The following ATP6V1A variants were observed in gnomAD, a reference collection of about 807,000 sequenced individuals.
ATP6V1A encodes the protein V-type proton ATPase catalytic subunit A.
Under a neutral mutation model 70.1 loss-of-function variants are expected in ATP6V1A, and 18 were observed. That is an observed-to-expected ratio of 0.26 (90% CI 0.18 to 0.38). ATP6V1A has a LOEUF of 0.38. Ranked by LOEUF, ATP6V1A falls within the 10% of genes least tolerant of loss-of-function variation. The pLI, the probability that ATP6V1A is intolerant of heterozygous loss-of-function variation, is 1.00. For missense variants in ATP6V1A, 424 were observed against 772.4 expected (o/e 0.55, Z 5.35); for synonymous variants, 232 against 253.8 (o/e 0.91, Z 0.82).
chr3:113,790,510 G>C (rs915578655), intron 8 of ATP6V1A, among the ~76,000 whole-genome samples: 3 of 151,728 alleles, frequency 2.0e-5, no homozygotes, highest in African/African-American at 7.3e-5. Flanking sequence ...AATATATTTT[G>C]TCTGGGGATA....
At chr3:113,784,075 C>T in intron 3 of ATP6V1A, 149 bp from the exon 4 acceptor site, 1 of 697,232 alleles carries the variant, frequency 1.4e-6, no homozygotes. Context: ...AAAGAAGTTA[C>T]TGAAAACACT....
Position 113,789,626 on chromosome 3 carries a change from A to G in ATP6V1A, c.880-106A>G, listed in dbSNP as rs550815860. 1.7e-5 allele frequency: 12 copies of G among 708,184 alleles called. No individual in the cohort carries two copies. In the East Asian group the frequency reaches 3.2e-4, roughly 19 times the overall value. 43.9% of individuals were successfully genotyped at this position (708,184 alleles called of 1,614,324 possible). A position where few individuals can be genotyped will look rare whatever the true frequency, so the allele number is the denominator to read the frequency against. On this transcript the variant is annotated intron_variant, in intron 7 of 14. Transcript: ENST00000273398. ...TATTACTTTAGGAACACTGATTGTA[A>G]GAGGCATTAAATATGGGCAAAAGTT... is the stretch of plus-strand genomic sequence containing the variant.
At position 113,765,786 on chromosome 3, in the gene ATP6V1A, G is replaced by T. The variant is rs567391658; in HGVS notation, c.-13-12955G>T. ...ACAAAAAAAAAAAAAAGGTAGACAG[G>T]TGTGGTAGCACGTACCTGTAATCCC... On this transcript the variant is annotated intron_variant, in intron 1 of 14. Transcript: ENST00000273398. Among the ~76,000 whole-genome samples, 3 of 151,726 alleles carry T rather than the reference G, an allele frequency of 2.0e-5. 1 individual carries two copies. The South Asian group carries it at 6.3e-4, about 32-fold the overall frequency.
At chr3:113,795,973 C>G (rs1393811490) in intron 11 of ATP6V1A, 34 bp downstream of exon 11, 1 of 1,534,146 alleles carries the variant, frequency 6.5e-7, no homozygotes, top group East Asian at 2.3e-5. Context: ...AACTTCTGAG[C>G]CTTTCCTCCT....
At chr3:113,803,397 A>G in intron 12 of ATP6V1A, 186 bp from the exon 13 acceptor site, 3 of 564,064 alleles carry the variant, frequency 5.3e-6, no homozygotes. Flanking sequence ...CAAAGATGGT[A>G]AATTTTATGT....
chr3:113,800,744 A>G (rs917293975), intron 12 of ATP6V1A, among the ~76,000 whole-genome samples: 21 of 152,134 alleles, frequency 1.4e-4, no homozygotes, highest in African/African-American at 4.1e-4. Context: ...TTAGCCTTAA[A>G]ACAAAAAAAA....
At chr3:113,791,088 G>A (rs1315222649) in intron 8 of ATP6V1A, among the ~76,000 whole-genome samples, 3 of 151,890 alleles carry the variant, frequency 2.0e-5, no homozygotes, top group African/African-American at 7.3e-5. Context: ...TATGAAATAT[G>A]TCTTTTATTT....
chr3:113,793,758 T>C (rs1709123630), intron 8 of ATP6V1A, among the ~76,000 whole-genome samples: 1 of 152,176 alleles, frequency 6.6e-6, no homozygotes, highest in Non-Finnish European at 1.5e-5. Context: ...AGATGCAATA[T>C]GATAAATAGG....
At chr3:113,781,490 C>G (rs1708977883) in intron 3 of ATP6V1A, among the ~76,000 whole-genome samples, 1 of 152,026 alleles carries the variant, frequency 6.6e-6, no homozygotes, top group Non-Finnish European at 1.5e-5. Flanking sequence ...TGCACTCCAG[C>G]CTGGGCAACA....
At chr3:113,757,135 T>TA (rs1708654385) in intron 1 of ATP6V1A, among the ~76,000 whole-genome samples, 1 of 152,172 alleles carries the variant, frequency 6.6e-6, no homozygotes, top group African/African-American at 2.4e-5. Flanking sequence ...AATAGACACT[T>TA]AAAATACAGA....
intron 14 of ATP6V1A, 149 bp from the exon 15 acceptor site, chr3:113,809,186 T>C (rs975757815): frequency 6.4e-6 from 3 of 468,054 alleles, no homozygotes; most frequent in Non-Finnish European, 7.8e-6. Flanking sequence ...AGCCAGGAGG[T>C]GGAGGTTGCA....
intron 13 of ATP6V1A, among the ~76,000 whole-genome samples, 190 bp from the exon 14 acceptor site, chr3:113,805,164 C>T (rs749921269): frequency 1.3e-5 from 2 of 152,206 alleles, no homozygotes; most frequent in Non-Finnish European, 2.9e-5. Flanking sequence ...TGAGACATCT[C>T]TGTCCAAAAA....
intron 1 of ATP6V1A, among the ~76,000 whole-genome samples, chr3:113,761,432 G>T (rs1708703964): frequency 6.6e-6 from 1 of 151,114 alleles, no homozygotes; most frequent in African/African-American, 2.4e-5. Context: ...TATGGTAATT[G>T]TAAAGTTTTA....
Position 113,784,432 on chromosome 3 carries a change from C to T in ATP6V1A, c.420C>T (p.Asn140=), listed in dbSNP as rs770165450. Residue 140 remains asparagine, a synonymous_variant, in exon 4 of 15, where the codon AAC becomes AAT. Transcript: ENST00000273398. ...DIKWDFTPCK[N]LRVGSHITGG... is the part of the protein sequence containing the mutation. ...AATGGGACTTTACACCTTGCAAAAA[C>T]CTACGGGTATGTCTGTGTAACCAAG... The T allele has an allele frequency of 5.0e-6, 8 of 1,609,094 alleles. No individual in the cohort carries two copies. Among genetic ancestry groups the T allele is most frequent in the Non-Finnish European group, 6.8e-6 (8 of 1,175,708 alleles).
chr3:113,757,118 G>A (rs1318643150), intron 1 of ATP6V1A, among the ~76,000 whole-genome samples: 1 of 152,164 alleles, frequency 6.6e-6, no homozygotes, highest in African/African-American at 2.4e-5. Context: ...TCTTCAATGT[G>A]ATCCAAAATA....
intron 1 of ATP6V1A, among the ~76,000 whole-genome samples, chr3:113,776,279 G>T (rs778511046): frequency 2.6e-5 from 4 of 151,964 alleles, no homozygotes; most frequent in Non-Finnish European, 5.9e-5. Context: ...GGCGGCTGAG[G>T]TGATCACTTG....
intron 3 of ATP6V1A, 91 bp from the exon 4 acceptor site, chr3:113,784,133 T>C (rs754781460): frequency 3.5e-5 from 44 of 1,252,552 alleles, no homozygotes; most frequent in Non-Finnish European, 4.9e-5. Flanking sequence ...TTTTCACTTC[T>C]TGAGTGGCAT....
intron 8 of ATP6V1A, among the ~76,000 whole-genome samples, chr3:113,792,774 A>G (rs1470330872): frequency 6.6e-6 from 1 of 152,230 alleles, no homozygotes; most frequent in African/African-American, 2.4e-5. Flanking sequence ...ATCTTCACCA[A>G]TGCTAGTTTT....
rs188369478 is a variant in ATP6V1A at position 113,771,164 on chromosome 3, C to G, written c.-13-7577C>G. On this transcript the variant is annotated intron_variant, in intron 1 of 14. Transcript: ENST00000273398. ...AATTTGCTTATTGAAAGTTGGTGTT[C>G]TAGGAGTTTGTTTTAACATTTTTAA... Among the ~76,000 whole-genome samples the G allele has an allele frequency of 4.7e-3, 705 of 151,476 alleles. 15 individuals carry two copies. The highest frequency in any genetic ancestry group is 0.034 in the Admixed American group (516 of 15,220).
Sources: allele counts gnomAD v4.1 joint callset (sites outside exome capture counted in the v4.1 genomes callset), GRCh38; gene constraint gnomAD v4.1.1; transcripts MANE v1.5; gene names NCBI Gene and HGNC (gene_info 2026-07-23, HGNC 2026-07-21).